Variants in EPHB2 observed in about 807,000 individuals in gnomAD.
EPHB2 encodes ephrin type-B receptor 2.
In EPHB2, 18 loss-of-function variants were observed where a neutral mutation model predicts 96.4. The ratio of observed to expected loss-of-function variants is 0.19; its 90% confidence interval spans 0.13 to 0.28. The LOEUF is 0.28. Ranked by LOEUF, EPHB2 falls within the 10% of genes least tolerant of loss-of-function variation. EPHB2 has a pLI of 1.00. For missense variants in EPHB2, 989 were observed against 1,355.4 expected (o/e 0.73, Z 4.25); for synonymous variants, 506 against 534.1 (o/e 0.95, Z 0.72).
intron 15 of EPHB2, chr1:22,912,888 G>T: frequency 2.3e-6 from 1 of 434,466 alleles, no homozygotes; most frequent in East Asian, 5.0e-5. Context: ...TAAAGGAAGC[G>T]GGTGCTTAGA....
intron 1 of EPHB2, among the ~76,000 whole-genome samples, chr1:22,721,914 C>A (rs936475147): frequency 1.3e-5 from 2 of 151,994 alleles, no homozygotes; most frequent in East Asian, 3.9e-4. Context: ...TTGCGCCCAG[C>A]CTGATTTGCA....
At chr1:22,898,453 G>A (rs1639640964) in intron 9 of EPHB2, among the ~76,000 whole-genome samples, 1 of 152,184 alleles carries the variant, frequency 6.6e-6, no homozygotes, top group African/African-American at 2.4e-5. Flanking sequence ...GCAGGTTTCG[G>A]GAACAGCAGA....
intron 1 of EPHB2, among the ~76,000 whole-genome samples, chr1:22,757,862 C>T (rs1442447757): frequency 4.8e-5 from 1 of 20,806 alleles, no homozygotes; most frequent in Admixed American, 9.2e-4. Context: ...GACCCTTTCC[C>T]CCCAGCAAAA....
rs1644700761 is a variant in EPHB2 at position 22,792,024 on chromosome 1, G to A, written c.811+6948G>A. ...CTCCAGCATGGGATGTTATGCCTGTGGCTTTATTTTCTGTTTCACTCCAGA... is the reference window on the plus strand; with the variant it reads ...CTCCAGCATGGGATGTTATGCCTGTAGCTTTATTTTCTGTTTCACTCCAGA... On this transcript the variant is annotated intron_variant, in intron 3 of 15. Transcript: ENST00000374630. Among the ~76,000 whole-genome samples, 6 of 152,288 alleles carry A rather than the reference G, an allele frequency of 3.9e-5. No individual in the cohort carries two copies. In the South Asian group the frequency reaches 1.2e-3, roughly 32 times the overall value.
At chr1:22,803,651 A>ATG (rs1644879743) in intron 3 of EPHB2, among the ~76,000 whole-genome samples, 1 of 136,082 alleles carries the variant, frequency 7.3e-6, no homozygotes, top group Non-Finnish European at 1.6e-5. Context: ...ATGTGTATAT[A>ATG]TATATATGTG....
intron 1 of EPHB2, among the ~76,000 whole-genome samples, chr1:22,728,867 T>G (rs4655093): frequency 0.43 from 64,718 of 152,084 alleles, 16,390 homozygotes; most frequent in East Asian, 0.87. Context: ...ATTGGCCTCC[T>G]TGCAAATCCG....
At chr1:22,730,514 T>C (rs77329722) in intron 1 of EPHB2, among the ~76,000 whole-genome samples, 12 of 151,862 alleles carry the variant, frequency 7.9e-5, no homozygotes, top group Non-Finnish European at 1.2e-4. Flanking sequence ...TAAGTAGGGA[T>C]GGTGCTAAGA....
intron 3 of EPHB2, among the ~76,000 whole-genome samples, chr1:22,841,513 C>G (rs897500358): frequency 6.6e-6 from 1 of 152,198 alleles, no homozygotes; most frequent in African/African-American, 2.4e-5. Flanking sequence ...AGAGACTTCC[C>G]TCTCTGAGCC....
chr1:22,910,727 T>G, intron 14 of EPHB2, 152 bp downstream of exon 14: 1 of 1,033,720 alleles, frequency 9.7e-7, no homozygotes, highest in Non-Finnish European at 1.4e-6. Context: ...CTGCCCTGCC[T>G]TAGGGGTGCA....
At chr1:22,803,424 T>C (rs1312437006) in intron 3 of EPHB2, among the ~76,000 whole-genome samples, 1 of 151,536 alleles carries the variant, frequency 6.6e-6, no homozygotes, top group Non-Finnish European at 1.5e-5. Context: ...CTGGGCAACA[T>C]GGTGAAACCC....
In EPHB2 at chr1:22,825,610, G is replaced by A. The variant is rs573548410; in HGVS notation, c.812-37427G>A. Among the ~76,000 whole-genome samples, 160 of 152,346 alleles carry A rather than the reference G, an allele frequency of 1.1e-3. 1 individual carries two copies. Among genetic ancestry groups the A allele is most frequent in the African/African-American group, 3.7e-3 (154 of 41,574 alleles). The stretch of plus-strand genomic sequence containing the variant: ...AGATGCTCTCTGAACCCCCTCATGC[G>A]TTGGCCAGAGTTAGAGAATAGATGT... On this transcript the variant is annotated intron_variant, in intron 3 of 15. Coordinates refer to ENST00000374630, the MANE Select transcript of EPHB2 (RefSeq NM_017449.5).
chr1:22,730,009 C>A (rs1000209566), intron 1 of EPHB2, among the ~76,000 whole-genome samples: 1 of 152,238 alleles, frequency 6.6e-6, no homozygotes, highest in Non-Finnish European at 1.5e-5. Context: ...CATCCATCAT[C>A]TCCCTTTAAT....
intron 1 of EPHB2, among the ~76,000 whole-genome samples, chr1:22,743,071 T>C (rs1245913041): frequency 6.6e-6 from 1 of 152,018 alleles, no homozygotes; most frequent in African/African-American, 2.4e-5. Context: ...TTTAAATTTT[T>C]AGTAGAGATC....
chr1:22,825,980 G>A (rs968114877), intron 3 of EPHB2, among the ~76,000 whole-genome samples: 1 of 152,222 alleles, frequency 6.6e-6, no homozygotes, highest in Admixed American at 6.5e-5. Flanking sequence ...GTGCAGGGTG[G>A]GTTGAAGGCT....
rs144505178 is a variant in EPHB2 at position 22,723,278 on chromosome 1, G to A, written c.61+12235G>A. On this transcript the variant is annotated intron_variant, in intron 1 of 15. Coordinates refer to ENST00000374630, the MANE Select transcript of EPHB2 (RefSeq NM_017449.5). ...GGAGGCAGAGCCTGGGAACAGCCTC[G>A]TCCAGAGCCCGCAGGGCCTTTTTGG... Among the ~76,000 whole-genome samples the A allele has an allele frequency of 5.6e-4, 86 of 152,348 alleles. No homozygotes were observed. The East Asian group carries it at 0.015, about 27-fold the overall frequency.
In EPHB2 at chr1:22,912,577, G is replaced by A. The variant is rs78707665; in HGVS notation, c.2830G>A (p.Val944Ile). Residue 944 changes from valine (V) to isoleucine (I), a missense_variant, in exon 15 of 16, where the codon GTC (valine) becomes ATC (isoleucine). Val to Ile is a conservative substitution (Grantham distance 29). Coordinates refer to ENST00000374630, the MANE Select transcript of EPHB2 (RefSeq NM_017449.5). Reference protein sequence around the residue: ...FANAGFTSFDVVSQMMMEDIL... With the variant: ...FANAGFTSFDIVSQMMMEDIL... ...CAATGCCGGCTTCACCTCCTTTGAC[G>A]TCGTGTCTCAGATGATGATGGAGTA... 1.5e-5 allele frequency: 25 copies of A among 1,613,828 alleles called. No homozygotes were observed. Among genetic ancestry groups the A allele is most frequent in the Non-Finnish European group, 1.7e-5 (20 of 1,180,040 alleles).
chr1:22,802,218 G>T (rs1644854635), intron 3 of EPHB2, among the ~76,000 whole-genome samples: 1 of 152,148 alleles, frequency 6.6e-6, no homozygotes, highest in South Asian at 2.1e-4. Flanking sequence ...GGAAATGATG[G>T]CCCAGTTGGG....
chr1:22,886,719 C>T (rs770473935), intron 6 of EPHB2, among the ~76,000 whole-genome samples: 1 of 151,186 alleles, frequency 6.6e-6, no homozygotes, highest in Non-Finnish European at 1.5e-5. Context: ...CTCTGCCTCC[C>T]GGATTCAAGC....
intron 6 of EPHB2, among the ~76,000 whole-genome samples, chr1:22,890,074 C>A (rs947264975): frequency 2.0e-5 from 3 of 152,120 alleles, no homozygotes; most frequent in Non-Finnish European, 4.4e-5. Context: ...CATGAAGGGT[C>A]TGGAATGCCA....
Sources: allele counts gnomAD v4.1 joint callset (sites outside exome capture counted in the v4.1 genomes callset), GRCh38; gene constraint gnomAD v4.1.1; transcripts MANE v1.5; gene names NCBI Gene and HGNC (gene_info 2026-07-23, HGNC 2026-07-21).